The following TET2 variants were observed in gnomAD, a reference collection of about 807,000 sequenced individuals.
TET2 encodes tet methylcytosine dioxygenase 2, also known as methylcytosine dioxygenase TET2.
Under a neutral mutation model 142.9 loss-of-function variants are expected in TET2, and 299 were observed. The observed-to-expected ratio is 2.09, with a 90% CI of 1.90 to 2.30. TET2 has a LOEUF of 2.30. Ranked by LOEUF, TET2 falls within the 30% of genes most tolerant of loss-of-function variation. The pLI, the probability that TET2 is intolerant of heterozygous loss-of-function variation, is 0.00. For missense variants in TET2, 2,418 were observed against 2,378.0 expected, an observed-to-expected ratio of 1.02 and a Z score of -0.35; for synonymous variants, 819 against 849.0, an observed-to-expected ratio of 0.96 and a Z score of 0.61.
At chr4:105,233,766 T>C (rs1728649892) in intron 2 of TET2, 131 bp from the exon 3 acceptor site, 2 of 542,438 alleles carry the variant, frequency 3.7e-6, no homozygotes, top group Middle Eastern at 4.7e-4. Context: ...AAAATAAATA[T>C]CAGTTTGCTA....
intron 6 of TET2, among the ~76,000 whole-genome samples, chr4:105,254,094 G>A (rs1578707871): frequency 6.6e-6 from 1 of 152,158 alleles, no homozygotes; most frequent in Non-Finnish European, 1.5e-5. Flanking sequence ...ATCTTTTATT[G>A]TAAAGACTTT....
chr4:105,271,469 A>T (rs528317467), intron 9 of TET2, among the ~76,000 whole-genome samples: 2 of 152,228 alleles, frequency 1.3e-5, no homozygotes, highest in Non-Finnish European at 2.9e-5. Flanking sequence ...CTGATAGAGC[A>T]TGGGTTCTGT....
chr4:105,193,113 G>A (rs891940081), intron 2 of TET2, among the ~76,000 whole-genome samples: 1 of 152,124 alleles, frequency 6.6e-6, no homozygotes, highest in African/African-American at 2.4e-5. Flanking sequence ...GGTCCATCTG[G>A]ACTATAACAG....
chr4:105,272,993 C>A (rs895185664), intron 10 of TET2, 75 bp downstream of exon 10: 1 of 1,228,330 alleles, frequency 8.1e-7, no homozygotes, highest in Non-Finnish European at 1.1e-6. Context: ...TTTGGTTTTG[C>A]CCCCATCAAC....
chr4:105,222,447 T>G (rs978733693), intron 2 of TET2, among the ~76,000 whole-genome samples: 21 of 152,348 alleles, frequency 1.4e-4, no homozygotes, highest in African/African-American at 3.1e-4. Flanking sequence ...GTTTTGATTT[T>G]CATTTCTCTG....
intron 6 of TET2, among the ~76,000 whole-genome samples, chr4:105,251,698 G>A (rs759982675): frequency 3.4e-4 from 52 of 152,060 alleles, no homozygotes; most frequent in Non-Finnish European, 7.1e-4. Context: ...GTTCTCTTGT[G>A]ATATCTTTGG....
chr4:105,240,580 C>T (rs538931172), intron 3 of TET2: 2 of 1,079,672 alleles, frequency 1.9e-6, no homozygotes, highest in Admixed American at 1.1e-4. Context: ...GGGAGGACTC[C>T]TACTGTCCCT....
intron 1 of TET2, among the ~76,000 whole-genome samples, chr4:105,167,549 C>A (rs1312161234): frequency 1.3e-5 from 2 of 151,972 alleles, no homozygotes; most frequent in African/African-American, 4.8e-5. Context: ...TTTATTTGCT[C>A]CCCTTTTAAA....
chr4:105,181,414 C>G (rs1366504753), intron 1 of TET2, among the ~76,000 whole-genome samples: 1 of 152,174 alleles, frequency 6.6e-6, no homozygotes, highest in Non-Finnish European at 1.5e-5. Flanking sequence ...CTTAGAAGAG[C>G]TGGTGATAGA....
intron 1 of TET2, among the ~76,000 whole-genome samples, chr4:105,154,806 C>G (rs1273931913): frequency 6.6e-6 from 1 of 152,136 alleles, no homozygotes; most frequent in Non-Finnish European, 1.5e-5. Flanking sequence ...GGGTGGGTCT[C>G]TTGAGCTCAG....
At chr4:105,252,817 A>C (rs987476233) in intron 6 of TET2, among the ~76,000 whole-genome samples, 2 of 152,170 alleles carry the variant, frequency 1.3e-5, no homozygotes, top group African/African-American at 4.8e-5. Flanking sequence ...TGCAAAAGCT[A>C]TAAAGACTAT....
At chr4:105,203,225 T>A (rs1335749925) in intron 2 of TET2, among the ~76,000 whole-genome samples, 1 of 152,192 alleles carries the variant, frequency 6.6e-6, no homozygotes, top group Admixed American at 6.5e-5. Flanking sequence ...GAGCACCATA[T>A]GATTATGCTT....
intron 6 of TET2, among the ~76,000 whole-genome samples, chr4:105,253,780 T>C (rs1305594522): frequency 4.6e-5 from 7 of 152,186 alleles, no homozygotes; most frequent in Admixed American, 4.6e-4. Flanking sequence ...ATTCTTTATT[T>C]ACATTAAATA....
At position 105,276,660 on chromosome 4, in the gene TET2, A is replaced by G. The variant is rs1336050831; in HGVS notation, c.*141A>G. The G allele has an allele frequency of 1.0e-6, 1 of 960,138 alleles. No homozygotes were observed. The highest frequency in any genetic ancestry group is 1.5e-6 in the Non-Finnish European group (1 of 665,666). The allele number at this position is 960,138 out of a possible 1,614,324, so 59.5% of individuals were successfully genotyped here. A position where few individuals can be genotyped will look rare whatever the true frequency, so the allele number is the denominator to read the frequency against. On this transcript the variant is annotated 3_prime_UTR_variant, in exon 11 of 11. Coordinates refer to ENST00000380013, the MANE Select transcript of TET2 (RefSeq NM_001127208.3). ...TGGGAAAAACCTCAGCTCACCAGCAACAAAAGAGGTTATCTTACCATAGCA... is the reference window on the plus strand; with the variant it reads ...TGGGAAAAACCTCAGCTCACCAGCAGCAAAAGAGGTTATCTTACCATAGCA...
intron 1 of TET2, among the ~76,000 whole-genome samples, chr4:105,179,089 C>G (rs1242917430): frequency 6.6e-6 from 1 of 152,178 alleles, no homozygotes; most frequent in Non-Finnish European, 1.5e-5. Flanking sequence ...ATGGGGGCAA[C>G]TGCCCCCATG....
intron 9 of TET2, among the ~76,000 whole-genome samples, chr4:105,271,314 G>T (rs1020972442): frequency 6.6e-6 from 1 of 152,140 alleles, no homozygotes; most frequent in Non-Finnish European, 1.5e-5. Flanking sequence ...CTCATTATTA[G>T]GAGGCTATGC....
rs550187530 is a variant in TET2, at chr4:105,275,647, C to T, written c.5137C>T (p.Pro1713Ser). Reference protein sequence around the residue: ...GDGFSSCTIRPNVHHVGKLPP... With the variant: ...GDGFSSCTIRSNVHHVGKLPP... ...TGGTTTCAGCAGTTGTACCATTAGA[C>T]CAAATGTACATCATGTAGGGAAATT... Residue 1713 changes from proline to serine, a missense_variant, in exon 11 of 11, where the codon CCA (proline) becomes TCA (serine). Transcript: ENST00000380013. The T allele has an allele frequency of 1.4e-5, 22 of 1,551,926 alleles. No homozygotes were observed. In the African/African-American group the frequency reaches 1.6e-4, roughly 12 times the overall value.
At chr4:105,213,793 C>G (rs1205335627) in intron 2 of TET2, among the ~76,000 whole-genome samples, 2 of 152,146 alleles carry the variant, frequency 1.3e-5, no homozygotes, top group Admixed American at 6.5e-5. Context: ...AGAACTATGA[C>G]CAATTGTCAT....
intron 6 of TET2, among the ~76,000 whole-genome samples, chr4:105,252,349 C>T (rs1469703004): frequency 2.0e-5 from 3 of 152,134 alleles, no homozygotes; most frequent in African/African-American, 7.2e-5. Context: ...ATGTCATGAT[C>T]GTTCATTTCT....
Sources: allele counts gnomAD v4.1 joint callset (sites outside exome capture counted in the v4.1 genomes callset), GRCh38; gene constraint gnomAD v4.1.1; transcripts MANE v1.5; gene names NCBI Gene and HGNC (gene_info 2026-07-23, HGNC 2026-07-21).